Variants in CDH4 observed in about 807,000 individuals in gnomAD.
CDH4 encodes the protein cadherin 4.
A neutral mutation model predicts 86.0 loss-of-function variants in CDH4; 33 were observed. That is an observed-to-expected ratio of 0.38 (90% CI 0.29 to 0.51). The LOEUF is 0.51. Ranked by LOEUF, CDH4 falls within the 20% of genes least tolerant of loss-of-function variation. CDH4 has a pLI of 0.86. For missense variants in CDH4, 1,114 were observed against 1,307.4 expected, an observed-to-expected ratio of 0.85 and a Z score of 2.28; for synonymous variants, 555 against 549.4, an observed-to-expected ratio of 1.01 and a Z score of -0.14.
In CDH4 at chr20:61,582,573, G is replaced by A. The variant is rs933610519; in HGVS notation, c.170-160990G>A. ...GCTTCCGGGGAGAGTCTCCCCAGTTGCACCCAGTGCCCTGAGAGCTGCACC... is the reference window on the plus strand; with the variant it reads ...GCTTCCGGGGAGAGTCTCCCCAGTTACACCCAGTGCCCTGAGAGCTGCACC... On this transcript the variant is annotated intron_variant, in intron 2 of 15. Transcript: ENST00000614565. The surrounding 1 kb of genome is among the most constrained non-coding windows in gnomAD (Gnocchi z 4.2). Among the ~76,000 whole-genome samples, 2 of 152,122 alleles carry A rather than the reference G, an allele frequency of 1.3e-5. No individual in the cohort carries two copies. Among genetic ancestry groups the A allele is most frequent in the Non-Finnish European group, 2.9e-5 (2 of 68,006 alleles).
chr20:61,753,063 G>T (rs1229580118), intron 3 of CDH4, among the ~76,000 whole-genome samples: 2 of 152,196 alleles, frequency 1.3e-5, no homozygotes, highest in Non-Finnish European at 2.9e-5. Flanking sequence ...GTTTAGAGAA[G>T]GTGGGAGTTC....
intron 2 of CDH4, among the ~76,000 whole-genome samples, chr20:61,666,433 C>A (rs1043381054): frequency 2.0e-5 from 3 of 152,206 alleles, no homozygotes; most frequent in African/African-American, 4.8e-5. Flanking sequence ...GGAGCCAATC[C>A]CACTGGCAGT....
chr20:61,697,946 G>A (rs1193399253), intron 2 of CDH4, among the ~76,000 whole-genome samples: 2 of 152,248 alleles, frequency 1.3e-5, no homozygotes, highest in Non-Finnish European at 2.9e-5. Flanking sequence ...GCAGAGCCAG[G>A]GCTGGGCAGC....
At chr20:61,659,771 G>C (rs572412100) in intron 2 of CDH4, among the ~76,000 whole-genome samples, 2 of 152,222 alleles carry the variant, frequency 1.3e-5, no homozygotes, top group Non-Finnish European at 2.9e-5. Flanking sequence ...GAGGCAGGAG[G>C]AGGGGTGGGC....
Position 61,516,835 on chromosome 20 carries a change from C to T in CDH4, c.170-226728C>T, listed in dbSNP as rs779470502. Among the ~76,000 whole-genome samples the T allele has an allele frequency of 6.6e-6, 1 of 152,342 alleles. No homozygotes were observed. Among genetic ancestry groups the T allele is most frequent in the African/African-American group, 2.4e-5 (1 of 41,586 alleles). On this transcript the variant is annotated intron_variant, in intron 2 of 15. Coordinates refer to ENST00000614565, the MANE Select transcript of CDH4 (RefSeq NM_001794.5). The surrounding 1 kb of genome is among the most constrained non-coding windows in gnomAD (Gnocchi z 4.0). The stretch of plus-strand genomic sequence containing the variant: ...TGGGAACCTGGGCTCGCTGTCCACA[C>T]AGCCCCTGCTCCCCTACTCCCTGGC...
intron 13 of CDH4, among the ~76,000 whole-genome samples, chr20:61,932,516 C>T (rs1392277994): frequency 6.6e-6 from 1 of 152,142 alleles, no homozygotes; most frequent in Non-Finnish European, 1.5e-5. Flanking sequence ...TACACATGGA[C>T]ACATGCACAC....
rs1261941591 is a variant in CDH4, at chr20:61,810,841, C to T, written c.577-33827C>T. 6.6e-6 allele frequency among the ~76,000 whole-genome samples: 1 copy of T among 152,170 alleles called. No individual in the cohort carries two copies. Among genetic ancestry groups the T allele is most frequent in the Non-Finnish European group, 1.5e-5 (1 of 68,040 alleles). On this transcript the variant is annotated intron_variant, in intron 4 of 15. Coordinates refer to ENST00000614565, the MANE Select transcript of CDH4 (RefSeq NM_001794.5). The surrounding 1 kb of genome is among the most constrained non-coding windows in gnomAD (Gnocchi z 4.3). ...CTCCAGTCTCAGCTGCTCAACAGAG[C>T]CACTGCCCCTTGGCCCGGCTTCTCC... is the stretch of plus-strand genomic sequence containing the variant.
intron 2 of CDH4, among the ~76,000 whole-genome samples, chr20:61,380,293 T>A (rs1172452056): frequency 6.6e-6 from 1 of 152,198 alleles, no homozygotes; most frequent in African/African-American, 2.4e-5. Context: ...TGCAGCTAAA[T>A]TAATACCTTT....
intron 2 of CDH4, among the ~76,000 whole-genome samples, chr20:61,739,629 G>A (rs1600933754): frequency 6.6e-6 from 1 of 152,242 alleles, no homozygotes; most frequent in Admixed American, 6.5e-5. Context: ...TCCAGAGTGC[G>A]GGTCCTGGAT....
intron 2 of CDH4, among the ~76,000 whole-genome samples, chr20:61,658,679 G>A (rs773326925): frequency 8.5e-5 from 13 of 152,200 alleles, no homozygotes; most frequent in South Asian, 2.1e-4. Flanking sequence ...GCTGGGGCCC[G>A]GGCTTGGGGG....
At chr20:61,780,758 C>G (rs373245265) in intron 4 of CDH4, among the ~76,000 whole-genome samples, 1 of 152,140 alleles carries the variant, frequency 6.6e-6, no homozygotes, top group South Asian at 2.1e-4. Flanking sequence ...ACTCCACGCT[C>G]GAAGGGAGAA....
At chr20:61,735,206 G>A (rs1014291936) in intron 2 of CDH4, among the ~76,000 whole-genome samples, 1 of 152,146 alleles carries the variant, frequency 6.6e-6, no homozygotes, top group Non-Finnish European at 1.5e-5. Context: ...GGGGCCCCGT[G>A]GGCACAGAGC....
intron 2 of CDH4, among the ~76,000 whole-genome samples, chr20:61,664,912 G>T (rs959645714): frequency 2.0e-5 from 3 of 152,214 alleles, no homozygotes; most frequent in African/African-American, 7.2e-5. Flanking sequence ...TGAACTGAAT[G>T]AAGTTTCTTG....
At chr20:61,907,737 G>A (rs1221389167) in intron 8 of CDH4, among the ~76,000 whole-genome samples, 1 of 152,194 alleles carries the variant, frequency 6.6e-6, no homozygotes, top group East Asian at 1.9e-4. Flanking sequence ...GCAGGTTCCG[G>A]GCTCTGGCCA....
chr20:61,358,274 T>C (rs2084763985), intron 2 of CDH4, among the ~76,000 whole-genome samples: 1 of 152,076 alleles, frequency 6.6e-6, no homozygotes, highest in African/African-American at 2.4e-5. Context: ...GTGTGCTGAG[T>C]GGGGTCATGG....
intron 4 of CDH4, among the ~76,000 whole-genome samples, chr20:61,785,765 G>C (rs1978849211): frequency 6.6e-6 from 1 of 152,234 alleles, no homozygotes; most frequent in Admixed American, 6.5e-5. Flanking sequence ...GCCACCTGGA[G>C]AGAGATTTGG....
chr20:61,370,489 A>G (rs2084834302), intron 2 of CDH4: 2 of 152,166 alleles, frequency 1.3e-5, no homozygotes, highest in Admixed American at 1.3e-4. Context: ...AGTGGTGGTC[A>G]TTATTCCCAC....
chr20:61,313,457 G>A (rs1694947749), intron 2 of CDH4, among the ~76,000 whole-genome samples: 1 of 152,144 alleles, frequency 6.6e-6, no homozygotes, highest in African/African-American at 2.4e-5. Context: ...GTCGCCCTTG[G>A]CACGCTTTGT....
chr20:61,834,528 C>T (rs1044295608), intron 4 of CDH4, among the ~76,000 whole-genome samples: 2 of 152,190 alleles, frequency 1.3e-5, no homozygotes, highest in African/African-American at 4.8e-5. Context: ...GGAAAGTAGA[C>T]GCTGTGTGAC....
Sources: allele counts gnomAD v4.1 joint callset (sites outside exome capture counted in the v4.1 genomes callset), GRCh38; gene constraint gnomAD v4.1.1; non-coding constraint Gnocchi (gnomAD v3.1); transcripts MANE v1.5; gene names NCBI Gene and HGNC (gene_info 2026-07-23, HGNC 2026-07-21).